The following TAOK3 variants were observed in gnomAD, a reference collection of about 807,000 sequenced individuals.
TAOK3 encodes the protein TAO kinase 3.
In TAOK3, 40 loss-of-function variants were observed where a neutral mutation model predicts 120.4. That is an observed-to-expected ratio of 0.33 (90% CI 0.26 to 0.43). The LOEUF is 0.43. Ranked by LOEUF, TAOK3 falls within the 20% of genes least tolerant of loss-of-function variation. The pLI, the probability that TAOK3 is intolerant of heterozygous loss-of-function variation, is 1.00. For synonymous variants in TAOK3, 355 were observed against 387.5 expected (o/e 0.92, Z 0.99); for missense variants, 821 against 1,112.1 (o/e 0.74, Z 3.72).
chr12:118,264,200 C>T (rs1281298486), intron 2 of TAOK3, among the ~76,000 whole-genome samples: 1 of 152,150 alleles, frequency 6.6e-6, no homozygotes, highest in African/African-American at 2.4e-5. Context: ...AAACATACAC[C>T]TATCATATGA....
chr12:118,348,675 C>T (rs972016635), intron 1 of TAOK3, among the ~76,000 whole-genome samples: 1 of 152,070 alleles, frequency 6.6e-6, no homozygotes, highest in Non-Finnish European at 1.5e-5. Flanking sequence ...TGGTCTCGAT[C>T]TCCTGACCTC....
intron 2 of TAOK3, among the ~76,000 whole-genome samples, chr12:118,259,673 G>C (rs1404149470): frequency 6.6e-6 from 1 of 152,170 alleles, no homozygotes; most frequent in Non-Finnish European, 1.5e-5. Context: ...TTAAATGTTT[G>C]AGCTTAATGC....
rs751803323 is a variant in TAOK3, at chr12:118,160,329, A to C, written c.2169T>G (p.Phe723Leu). 1 of 1,614,072 alleles carries C rather than the reference A, an allele frequency of 6.2e-7. No individual in the cohort carries two copies. Among genetic ancestry groups the C allele is most frequent in the Non-Finnish European group, 8.5e-7 (1 of 1,179,998 alleles). ...TGGTCTGTACTTTGCAAGTGTCCTG[A>C]AACTGTTTTTTAATTTGCATTTCCA... ...KAMEMQIKKQFQDTCKVQTKQ... is the reference protein window; with the variant it reads ...KAMEMQIKKQLQDTCKVQTKQ... The change falls in exon 19 of 21, where the codon TTT becomes TTG. Residue 723 changes from phenylalanine to leucine, a missense_variant. This residue lies in a region of TAOK3 where 354 missense variants were observed against 572.1 expected (regional missense o/e 0.62). Transcript: ENST00000392533. This position sits in a 1 kb window ranked among gnomAD's most constrained non-coding sequence, Gnocchi z 4.2.
chr12:118,152,307 G>A lies in TAOK3; in HGVS notation c.2455C>T (p.Gln819Ter). 1 of 1,614,158 alleles carries A rather than the reference G, an allele frequency of 6.2e-7. No individual in the cohort carries two copies. Among genetic ancestry groups the A allele is most frequent in the Non-Finnish European group, 8.5e-7 (1 of 1,180,036 alleles). ...TCACGTTCATGTTGTGCCTCTGTTT[G>A]CATCTTGATTTTGCTCTGGTAGGCG... ...LNAYQSKIKM[Q>*]TEAQHERELQ... Residue 819 changes from glutamine (Q) to a stop codon, truncating the protein, a stop_gained, in exon 20 of 21, where the codon CAA becomes TAA. Transcript: ENST00000392533. LOFTEE classifies it high-confidence loss of function.
chr12:118,161,967 C>T lies in TAOK3; in HGVS notation c.1960G>A (p.Glu654Lys). 2 of 1,614,070 alleles carry T rather than the reference C, an allele frequency of 1.2e-6. No individual in the cohort carries two copies. Among genetic ancestry groups the T allele is most frequent in the African/African-American group, 1.3e-5 (1 of 74,992 alleles). Reference sequence around the variant, plus strand: ...CTGTACTCTAGCTCTCGGGTGGACTCGTCGTGCCGGATTAGCATGGCATGC... The same window carrying T: ...CTGTACTCTAGCTCTCGGGTGGACTTGTCGTGCCGGATTAGCATGGCATGC... Reference protein sequence around the residue: ...MEHAMLIRHDESTRELEYRQL... With the variant: ...MEHAMLIRHDKSTRELEYRQL... The change falls in exon 18 of 21, where the codon GAG becomes AAG. Residue 654 changes from glutamate (E) to lysine (K), a missense_variant. Physicochemically the swap from Glu to Lys is moderately conservative, Grantham distance 56. This residue lies in a region of TAOK3 where 354 missense variants were observed against 572.1 expected (regional missense o/e 0.62). Transcript: ENST00000392533. This position sits in a 1 kb window ranked among gnomAD's most constrained non-coding sequence, Gnocchi z 4.5.
At chr12:118,264,812 T>C (rs1160009915) in intron 2 of TAOK3, among the ~76,000 whole-genome samples, 1 of 152,180 alleles carries the variant, frequency 6.6e-6, no homozygotes, top group South Asian at 2.1e-4. Flanking sequence ...AGCAGGCAGA[T>C]CATTTGAGGT....
chr12:118,211,412 T>A (rs1328212580), intron 11 of TAOK3, among the ~76,000 whole-genome samples: 1 of 152,186 alleles, frequency 6.6e-6, no homozygotes, highest in East Asian at 1.9e-4. Flanking sequence ...AATTCTATTT[T>A]ATTTCCTTAA....
chr12:118,325,852 T>C (rs190875918), intron 1 of TAOK3, among the ~76,000 whole-genome samples: 7 of 152,260 alleles, frequency 4.6e-5, no homozygotes, highest in African/African-American at 1.7e-4. Flanking sequence ...CTAATTTTTA[T>C]ATTTTTAGTA....
intron 1 of TAOK3, among the ~76,000 whole-genome samples, chr12:118,278,760 G>C (rs1237570288): frequency 6.6e-6 from 1 of 152,206 alleles, no homozygotes; most frequent in Non-Finnish European, 1.5e-5. Flanking sequence ...CCCAGCAGCA[G>C]TGTAAAAATG....
chr12:118,151,767 A>G (rs1223555748), intron 20 of TAOK3, among the ~76,000 whole-genome samples: 1 of 152,240 alleles, frequency 6.6e-6, no homozygotes, highest in Non-Finnish European at 1.5e-5. Flanking sequence ...CAGTTGGGAT[A>G]ACATTTATGC....
At chr12:118,268,128 C>A (rs1317436898) in intron 1 of TAOK3, among the ~76,000 whole-genome samples, 1 of 152,066 alleles carries the variant, frequency 6.6e-6, no homozygotes, top group Admixed American at 6.6e-5. Flanking sequence ...TATTGTCTGT[C>A]TTATGGAAGA....
chr12:118,367,357 T>G (rs1460488469), intron 1 of TAOK3, among the ~76,000 whole-genome samples: 1 of 152,036 alleles, frequency 6.6e-6, no homozygotes, highest in Non-Finnish European at 1.5e-5. Flanking sequence ...ATAACGTATG[T>G]CTGGAACAAA....
chr12:118,209,279 A>C (rs1361707997), intron 11 of TAOK3, among the ~76,000 whole-genome samples: 1 of 152,256 alleles, frequency 6.6e-6, no homozygotes, highest in Non-Finnish European at 1.5e-5. Flanking sequence ...TCATTTGTGC[A>C]AAAATAAAAA....
rs139059918 is a variant in TAOK3, at chr12:118,218,660, CT to C, written c.644-4551del. Among the ~76,000 whole-genome samples, 19 of 151,412 alleles carry C rather than the reference CT, an allele frequency of 1.3e-4. No individual in the cohort carries two copies. In the East Asian group the frequency reaches 3.5e-3, roughly 28 times the overall value. Reference sequence around the variant, plus strand: ...AATTTCCTATAAAGACTCAACCCTCCTTTTTTTTTCCTGAATATTTCTGATC... The same window carrying C: ...AATTTCCTATAAAGACTCAACCCTCCTTTTTTTTCCTGAATATTTCTGATC... On this transcript the variant is annotated intron_variant, in intron 9 of 20. Coordinates refer to ENST00000392533, the MANE Select transcript of TAOK3 (RefSeq NM_016281.4).
chr12:118,288,465 G>A (rs769136254), intron 1 of TAOK3, among the ~76,000 whole-genome samples: 18 of 152,148 alleles, frequency 1.2e-4, no homozygotes, highest in Non-Finnish European at 2.1e-4. Context: ...AGATCTGTAA[G>A]CCAGGAAGAG....
intron 1 of TAOK3, among the ~76,000 whole-genome samples, chr12:118,361,750 C>T (rs2045606000): frequency 6.6e-6 from 1 of 152,070 alleles, no homozygotes; most frequent in African/African-American, 2.4e-5. Context: ...TGAGCCACTA[C>T]ACCTGGCTAG....
At chr12:118,234,535 C>T (rs553429563) in intron 8 of TAOK3, among the ~76,000 whole-genome samples, 1 of 152,094 alleles carries the variant, frequency 6.6e-6, no homozygotes, top group Non-Finnish European at 1.5e-5. Context: ...TGAGCCACCG[C>T]GCCTGGAGTC....
chr12:118,169,316 ACC>A (rs796532171), intron 17 of TAOK3, among the ~76,000 whole-genome samples: 140 of 64,888 alleles, frequency 2.2e-3, no homozygotes, highest in African/African-American at 8.8e-3. Context: ...GCCCACCCCC[ACC>A]CCCCCCCCTT....
intron 11 of TAOK3, among the ~76,000 whole-genome samples, chr12:118,210,191 G>C (rs2038549227): frequency 6.6e-6 from 1 of 152,004 alleles, no homozygotes; most frequent in Non-Finnish European, 1.5e-5. Flanking sequence ...CTTCCTGCTT[G>C]CCTTCCTCCC....
Sources: allele counts gnomAD v4.1 joint callset (sites outside exome capture counted in the v4.1 genomes callset), GRCh38; gene constraint gnomAD v4.1.1; regional missense constraint gnomAD v4.1.1; non-coding constraint Gnocchi (gnomAD v3.1); transcripts MANE v1.5; gene names NCBI Gene and HGNC (gene_info 2026-07-23, HGNC 2026-07-21).